DHDH: variants seen among roughly 807,000 people sequenced by gnomAD.
DHDH encodes dihydrodiol dehydrogenase.
Under a neutral mutation model 33.2 loss-of-function variants are expected in DHDH, and 29 were observed. The observed-to-expected ratio is 0.87, with a 90% confidence interval of 0.65 to 1.19. The LOEUF (loss-of-function observed/expected upper bound fraction) is 1.19, where lower values mean the gene tolerates loss of function less well. Ranked by LOEUF, DHDH falls within the 50% of genes most tolerant of loss-of-function variation. DHDH has a pLI of 0.00. For missense variants in DHDH, 431 were observed against 455.0 expected (o/e 0.95, Z 0.48); for synonymous variants, 201 against 187.9 (o/e 1.07, Z -0.57).
chr19:48,935,724 G>A (rs934615886), intron 2 of DHDH, among the ~76,000 whole-genome samples: 3 of 151,574 alleles, frequency 2.0e-5, no homozygotes, highest in African/African-American at 7.3e-5. Flanking sequence ...GGCTGAGGCA[G>A]GAGAATGGCG....
intron 3 of DHDH, among the ~76,000 whole-genome samples, chr19:48,936,947 C>A (rs557023389): frequency 3.7e-4 from 56 of 151,692 alleles, no homozygotes; most frequent in African/African-American, 1.2e-3. Context: ...CCATGCCCAG[C>A]TAATTTTTGT....
At chr19:48,933,478 T>C (rs572393118), upstream of DHDH, among the ~76,000 whole-genome samples, 2 of 152,202 alleles carry the variant, frequency 1.3e-5, no homozygotes, top group East Asian at 3.9e-4. Flanking sequence ...CCTAAAGTCA[T>C]AGGTAAGAGA....
intron 4 of DHDH, among the ~76,000 whole-genome samples, chr19:48,940,450 GTGA>G (rs1403727910): frequency 1.3e-5 from 2 of 151,696 alleles, no homozygotes; most frequent in Non-Finnish European, 2.9e-5. Flanking sequence ...CCACCCAGAT[GTGA>G]TGCCCTTCAT....
At chr19:48,933,651 G>C, upstream of DHDH, 4 of 1,466,464 alleles carry the variant, frequency 2.7e-6, no homozygotes, top group South Asian at 2.3e-5. Context: ...CGCCCCCGGG[G>C]TGGGCGGGGC....
rs570821153 is a variant in DHDH, at chr19:48,944,422, G to A, written c.810G>A (p.Leu270=). 2.1e-4 allele frequency: 340 copies of A among 1,614,138 alleles called. 5 individuals are homozygous for A. In the South Asian group the frequency reaches 3.6e-3, roughly 17 times the overall value. Residue 270 remains leucine (L), a synonymous_variant, in exon 6 of 7, where the codon CTG becomes CTA. Coordinates refer to ENST00000221403, the MANE Select transcript of DHDH (RefSeq NM_014475.4). ...AGGGGGAGCATAAGGAGTTCCCGCTGCCCCCAGTCCCAAAGGACTGCAATT... is the reference window on the plus strand; with the variant it reads ...AGGGGGAGCATAAGGAGTTCCCGCTACCCCCAGTCCCAAAGGACTGCAATT... ...VVKGEHKEFP[L]PPVPKDCNFD...
At position 48,939,474 on chromosome 19, in the gene DHDH, C is replaced by G; in HGVS notation, c.392C>G (p.Ala131Gly). 1 of 1,613,222 alleles carries G rather than the reference C, an allele frequency of 6.2e-7. No homozygotes were observed. The highest frequency in any genetic ancestry group is 8.5e-7 in the Non-Finnish European group (1 of 1,179,348). Residue 131 changes from alanine to glycine, a missense_variant, in exon 4 of 7, where the codon GCC (alanine) becomes GGC (glycine). Ala to Gly is a moderately conservative substitution (Grantham distance 60). Coordinates refer to ENST00000221403, the MANE Select transcript of DHDH (RefSeq NM_014475.4). ...GCCATCTGGACCCGCTTCTTTCCTG[C>G]CTCCGAGGCTCTGAGGTCTGTTTTG... is the stretch of plus-strand genomic sequence containing the variant. The part of the protein sequence containing the change: ...MEAIWTRFFP[A>G]SEALRSVLAQ...
At chr19:48,934,777 C>G (rs938612491) in intron 1 of DHDH, among the ~76,000 whole-genome samples, 1 of 152,126 alleles carries the variant, frequency 6.6e-6, no homozygotes, top group African/African-American at 2.4e-5. Flanking sequence ...TTTGGAAAGG[C>G]CTTGATGTAA....
chr19:48,933,693 G>T (rs766497785), upstream of DHDH: 1 of 1,611,264 alleles, frequency 6.2e-7, no homozygotes, highest in Admixed American at 1.7e-5. Flanking sequence ...TGGAGGGACC[G>T]AAGGTGCCGA....
chr19:48,944,657 C>T, intron 6 of DHDH, 150 bp downstream of exon 6: 4 of 1,295,140 alleles, frequency 3.1e-6, no homozygotes, highest in East Asian at 2.4e-5. Flanking sequence ...GCCTGGGCAA[C>T]GGAACAAGAC....
In DHDH at chr19:48,933,776, G is replaced by A. The variant is rs764866847; in HGVS notation, c.55G>A (p.Ala19Thr). The A allele has an allele frequency of 2.5e-6, 4 of 1,612,682 alleles. No individual in the cohort carries two copies. In the South Asian group the frequency reaches 3.3e-5, roughly 13 times the overall value. Residue 19 changes from alanine (A) to threonine (T), a missense_variant, in exon 1 of 7, where the codon GCC becomes ACC. Coordinates refer to ENST00000221403, the MANE Select transcript of DHDH (RefSeq NM_014475.4). ...CGGCCTCATCTCCAGCGACTTCACA[G>A]CCGTGCTGCAGACGCTGCCTCGCTC... Reference protein sequence around the residue: ...SVGLISSDFTAVLQTLPRSEH... With the variant: ...SVGLISSDFTTVLQTLPRSEH...
chr19:48,940,740 C>T lies in DHDH; in HGVS notation c.619+1039C>T, dbSNP rs540141153. ...GGCGTGGTGGTGTGCACCTATAGTC[C>T]GGCTACTCTGGAAGGTGAGGTGGGA... On this transcript the variant is annotated intron_variant, in intron 4 of 6. Coordinates refer to ENST00000221403, the MANE Select transcript of DHDH (RefSeq NM_014475.4). 1.3e-3 allele frequency among the ~76,000 whole-genome samples: 198 copies of T among 152,172 alleles called. 7 individuals carry two copies. Among genetic ancestry groups the T allele is most frequent in the Non-Finnish European group, 1.3e-3 (87 of 67,994 alleles).
At chr19:48,936,557 G>A (rs1476801519) in intron 3 of DHDH, among the ~76,000 whole-genome samples, 6 of 151,418 alleles carry the variant, frequency 4.0e-5, no homozygotes, top group East Asian at 2.0e-4. Context: ...TTAGCTGGGC[G>A]TGGTGGCGGG....
At chr19:48,933,916 T>A (rs988442087) in intron 1 of DHDH, 105 bp downstream of exon 1, 77 of 1,015,458 alleles carry the variant, frequency 7.6e-5, no homozygotes, top group Non-Finnish European at 1.1e-4. Context: ...TGGGTCGTCA[T>A]TGCAGTGAAA....
chr19:48,942,303 C>T, intron 4 of DHDH, 137 bp from the exon 5 acceptor site: 1 of 1,021,814 alleles, frequency 9.8e-7, no homozygotes, highest in Non-Finnish European at 1.4e-6. Context: ...CGCGACCAGC[C>T]AGCACTTCAT....
chr19:48,935,588 C>T (rs2037760465), intron 2 of DHDH, among the ~76,000 whole-genome samples: 1 of 151,524 alleles, frequency 6.6e-6, no homozygotes, highest in African/African-American at 2.4e-5. Context: ...GAGGCCAAGG[C>T]GGGCAGATCA....
Position 48,933,823 on chromosome 19 carries a change from C to T in DHDH, c.90+12C>T. 1 of 1,606,254 alleles carries T rather than the reference C, an allele frequency of 6.2e-7. No homozygotes were observed. Among genetic ancestry groups the T allele is most frequent in the Non-Finnish European group, 8.5e-7 (1 of 1,179,574 alleles). ...GCTCTGAGCACCAGGTCTGCCCGCC[C>T]TCCGGATTCTGGGGAAGAGGAGGCG... On this transcript the variant is annotated intron_variant, in intron 1 of 6. Coordinates refer to ENST00000221403, the MANE Select transcript of DHDH (RefSeq NM_014475.4).
chr19:48,942,927 C>T lies in DHDH; in HGVS notation c.744+363C>T, dbSNP rs1568598568. ...AAAATTAGCTGGGTGTGGTGGTGGGCGCCTGTAATCCCAGCTACTAGGGAG... is the reference window on the plus strand; with the variant it reads ...AAAATTAGCTGGGTGTGGTGGTGGGTGCCTGTAATCCCAGCTACTAGGGAG... On this transcript the variant is annotated intron_variant, in intron 5 of 6. Transcript: ENST00000221403. Among the ~76,000 whole-genome samples, 3 of 151,714 alleles carry T rather than the reference C, an allele frequency of 2.0e-5. No individual in the cohort carries two copies. The South Asian group carries it at 6.3e-4, about 32-fold the overall frequency.
At chr19:48,934,910 C>A in intron 1 of DHDH, 90 bp from the exon 2 acceptor site, 1 of 1,039,050 alleles carries the variant, frequency 9.6e-7, no homozygotes, top group Non-Finnish European at 1.3e-6. Context: ...GTCTCCCCTT[C>A]CCCTGGCCAG....
intron 5 of DHDH, 46 bp downstream of exon 5, chr19:48,942,610 A>C (rs1568598479): frequency 8.2e-6 from 13 of 1,589,826 alleles, no homozygotes; most frequent in Non-Finnish European, 1.1e-5. Flanking sequence ...CCCCTAAAAT[A>C]GGAGGGGGAC....
Sources: allele counts gnomAD v4.1 joint callset (sites outside exome capture counted in the v4.1 genomes callset), GRCh38; gene constraint gnomAD v4.1.1; transcripts MANE v1.5; gene names NCBI Gene and HGNC (gene_info 2026-07-23, HGNC 2026-07-21).